Variants in PDE4D observed in about 807,000 individuals in gnomAD.
PDE4D encodes the protein phosphodiesterase 4D.
Under a neutral mutation model 87.4 loss-of-function variants are expected in PDE4D, and 24 were observed. That is an observed-to-expected ratio of 0.27 (90% CI 0.20 to 0.39). The LOEUF (loss-of-function observed/expected upper bound fraction) is 0.39. Ranked by LOEUF, PDE4D falls within the 10% of genes least tolerant of loss-of-function variation. The pLI is 1.00. For synonymous variants in PDE4D, 384 were observed against 383.2 expected, an observed-to-expected ratio of 1.00 and a Z score of -0.02; for missense variants, 714 against 1,041.0, an observed-to-expected ratio of 0.69 and a Z score of 4.32.
At chr5:59,503,323 A>G (rs1166299701) in intron 1 of PDE4D, among the ~76,000 whole-genome samples, 1 of 152,192 alleles carries the variant, frequency 6.6e-6, no homozygotes, top group Non-Finnish European at 1.5e-5. Flanking sequence ...TAAAATTAGT[A>G]AAATAACTTC....
intron 1 of PDE4D, among the ~76,000 whole-genome samples, chr5:60,202,706 T>G (rs1342448497): frequency 6.6e-6 from 1 of 151,652 alleles, no homozygotes; most frequent in Non-Finnish European, 1.5e-5. Flanking sequence ...AAATCAACCA[T>G]GCGAGAAAAC....
chr5:60,253,261 C>T (rs538943779), intron 1 of PDE4D, among the ~76,000 whole-genome samples: 3 of 151,960 alleles, frequency 2.0e-5, no homozygotes, highest in South Asian at 2.1e-4. Flanking sequence ...TGAGTAAATG[C>T]GTTTTTATTT....
chr5:59,325,660 G>A (rs1775510946), intron 1 of PDE4D, among the ~76,000 whole-genome samples: 2 of 152,136 alleles, frequency 1.3e-5, no homozygotes, highest in African/African-American at 4.8e-5. Context: ...ATAGTTACTT[G>A]TAAAATGAGA....
chr5:59,761,499 A>C (rs991285459), intron 1 of PDE4D, among the ~76,000 whole-genome samples: 9 of 152,134 alleles, frequency 5.9e-5, no homozygotes, highest in African/African-American at 2.2e-4. Context: ...ATACAGCTGC[A>C]CAAAAATATT....
rs553664663 is a variant in PDE4D at position 59,253,558 on chromosome 5, AT to A, written c.456-37591del. ...GATGATGATTGAAGAAAATGTATGC[AT>A]TTTTTTCATTAATGATTTTACTCCT... is the stretch of plus-strand genomic sequence containing the variant. On this transcript the variant is annotated intron_variant, in intron 1 of 14. Transcript: ENST00000340635. Among the ~76,000 whole-genome samples, 145 of 152,134 alleles carry A rather than the reference AT, an allele frequency of 9.5e-4. 1 individual carries two copies. The highest frequency in any genetic ancestry group is 3.3e-3 in the African/African-American group (138 of 41,524).
intron 1 of PDE4D, among the ~76,000 whole-genome samples, chr5:59,680,317 C>T (rs779519454): frequency 7.9e-5 from 12 of 152,118 alleles, no homozygotes; most frequent in Non-Finnish European, 1.8e-4. Flanking sequence ...CCAAGACAAA[C>T]TTGTTCAGAT....
At chr5:60,210,321 T>A (rs932147029) in intron 1 of PDE4D, among the ~76,000 whole-genome samples, 1 of 151,902 alleles carries the variant, frequency 6.6e-6, no homozygotes, top group Non-Finnish European at 1.5e-5. Flanking sequence ...TTTTTTGATT[T>A]ACCTCAAAAA....
chr5:59,307,510 A>G (rs1771635294), intron 1 of PDE4D, among the ~76,000 whole-genome samples: 1 of 152,224 alleles, frequency 6.6e-6, no homozygotes, highest in African/African-American at 2.4e-5. Context: ...AAACAAATTC[A>G]CAAGAAAAAA....
At chr5:60,012,791 C>T (rs555215724) in intron 2 of PDE4D, among the ~76,000 whole-genome samples, 5 of 152,294 alleles carry the variant, frequency 3.3e-5, no homozygotes, top group African/African-American at 1.2e-4. Context: ...AAGGAACAAC[C>T]TGAATCCCAT....
At chr5:58,994,763 G>A (rs140407538) in intron 6 of PDE4D, among the ~76,000 whole-genome samples, 55 of 152,086 alleles carry the variant, frequency 3.6e-4, no homozygotes, top group African/African-American at 1.2e-3. Context: ...TTTTAACTCC[G>A]CATTTAACTG....
rs369513375 is a variant in PDE4D at position 60,311,268 on chromosome 5, C to T, written c.-89-125581G>A. Among the ~76,000 whole-genome samples, 167 of 152,280 alleles carry T rather than the reference C, an allele frequency of 1.1e-3. 1 individual carries two copies. The highest frequency in any genetic ancestry group is 3.5e-3 in the African/African-American group (146 of 41,554). ...AACTCCCAACCTCAGGTGATCCGCC[C>T]GCCTTGGCCTCCCAAAGTGCTGGGA... is the stretch of plus-strand genomic sequence containing the variant. On this transcript the variant is annotated intron_variant, in intron 1 of 16. Coordinates refer to the PDE4D transcript ENST00000502484.
At chr5:60,187,598 C>T (rs1309838328) in intron 1 of PDE4D, among the ~76,000 whole-genome samples, 2 of 152,108 alleles carry the variant, frequency 1.3e-5, no homozygotes, top group African/African-American at 2.4e-5. Flanking sequence ...ATAAGCTTTG[C>T]TGAATTAACC....
At chr5:59,547,612 A>G (rs1446435300) in intron 1 of PDE4D, among the ~76,000 whole-genome samples, 1 of 152,176 alleles carries the variant, frequency 6.6e-6, no homozygotes, top group Non-Finnish European at 1.5e-5. Flanking sequence ...GCTGTGAAAT[A>G]TGTGGTCATC....
At chr5:59,986,809 T>C (rs1240595689) in intron 3 of PDE4D, 2 of 152,210 alleles carry the variant, frequency 1.3e-5, no homozygotes, top group East Asian at 3.9e-4. Flanking sequence ...AGTTTGTATA[T>C]CCTAGGCAGA....
At chr5:59,488,074 A>C (rs1296552923) in intron 1 of PDE4D, among the ~76,000 whole-genome samples, 6 of 150,640 alleles carry the variant, frequency 4.0e-5, no homozygotes, top group African/African-American at 1.2e-4. Flanking sequence ...CTTGGGGTCT[A>C]GGTGCTCCCT....
At chr5:59,017,628 CATT>C (rs914705549) in intron 6 of PDE4D, among the ~76,000 whole-genome samples, 7 of 151,616 alleles carry the variant, frequency 4.6e-5, no homozygotes, top group Non-Finnish European at 1.0e-4. Flanking sequence ...ACTTGAAAGA[CATT>C]ATATTAGAAT....
At chr5:59,855,872 G>A (rs1194481462) in intron 1 of PDE4D, among the ~76,000 whole-genome samples, 1 of 152,082 alleles carries the variant, frequency 6.6e-6, no homozygotes, top group Non-Finnish European at 1.5e-5. Context: ...TAAACTATGA[G>A]TCAAGTATTC....
chr5:60,347,079 C>G (rs545964152), intron 1 of PDE4D, among the ~76,000 whole-genome samples: 1 of 152,148 alleles, frequency 6.6e-6, no homozygotes, highest in East Asian at 1.9e-4. Context: ...GACAATTAAA[C>G]AGGGTGATGG....
In PDE4D at chr5:59,139,180, T is replaced by C. The variant is rs150936831; in HGVS notation, c.808+41415A>G. On this transcript the variant is annotated intron_variant, in intron 5 of 14. Coordinates refer to ENST00000340635, the MANE Select transcript of PDE4D (RefSeq NM_001104631.2). ...ACCTAGAAAGGTAAGTCGCAGACAA[T>C]GAGGGAAAGGCAAAAGACAGGACAT... Among the ~76,000 whole-genome samples the C allele has an allele frequency of 1.4e-3, 215 of 152,210 alleles. 1 individual carries two copies. The highest frequency in any genetic ancestry group is 5.0e-3 in the African/African-American group (208 of 41,548).
Sources: allele counts gnomAD v4.1 joint callset (sites outside exome capture counted in the v4.1 genomes callset), GRCh38; gene constraint gnomAD v4.1.1; transcripts MANE v1.5; gene names NCBI Gene and HGNC (gene_info 2026-07-23, HGNC 2026-07-21).